MSH5: variants seen among roughly 807,000 people sequenced by gnomAD.
The protein encoded by MSH5 is mutS protein homolog 5.
MSH5 carries 78 observed loss-of-function variants against 107.7 expected under a neutral mutation model. The ratio of observed to expected loss-of-function variants is 0.72; its 90% CI spans 0.60 to 0.87. The LOEUF (loss-of-function observed/expected upper bound fraction) is 0.87, where lower values mean the gene tolerates loss of function less well. Among genes scored for constraint, MSH5 ranks in the 40% least tolerant of loss-of-function variants. MSH5 has a pLI of 0.00. For missense variants in MSH5, 889 were observed against 1,046.6 expected, an observed-to-expected ratio of 0.85 and a Z score of 2.08; for synonymous variants, 326 against 399.5, an observed-to-expected ratio of 0.82 and a Z score of 2.19.
Position 31,740,483 on chromosome 6 carries a change from C to T in MSH5, c.17C>T (p.Ala6Val). Reference sequence around the variant, plus strand: ...TCCAAGCTCATGGCCTCCTTAGGAGCGAACCCAAGGAGGACACCGCAGGGA... The same window carrying T: ...TCCAAGCTCATGGCCTCCTTAGGAGTGAACCCAAGGAGGACACCGCAGGGA... MASLG[A>V]NPRRTPQGPR... Residue 6 changes from alanine (A) to valine (V), a missense_variant, in exon 2 of 25, where the codon GCG becomes GTG. Ala to Val is a moderately conservative substitution (Grantham distance 64, BLOSUM62 0). Transcript: ENST00000375750. This position sits in a 1 kb window ranked among gnomAD's most constrained non-coding sequence, Gnocchi z 4.4. 6.4e-7 allele frequency: 1 copy of T among 1,567,612 alleles called. No homozygotes were observed. Among genetic ancestry groups the T allele is most frequent in the Non-Finnish European group, 8.7e-7 (1 of 1,155,864 alleles).
chr6:31,741,327 C>A, intron 3 of MSH5, 41 bp downstream of exon 3: 1 of 1,354,758 alleles, frequency 7.4e-7, no homozygotes, highest in Non-Finnish European at 1.0e-6. Flanking sequence ...TCTGGGATTG[C>A]AGATGTGTTA....
At position 31,744,238 on chromosome 6, in the gene MSH5, G is replaced by T. The variant is rs375514940; in HGVS notation, c.586G>T (p.Gly196Trp). Residue 196 changes from glycine (G) to tryptophan (W), a missense_variant, in exon 7 of 25, where the codon GGG becomes TGG. Physicochemically the swap from Gly to Trp is radical, Grantham distance 184 (BLOSUM62 -2). Transcript: ENST00000375750. The stretch of plus-strand genomic sequence containing the variant: ...GAAGTTCCTGGGTCGAAGAAGAATC[G>T]GGGTTGAACTGGAAGACTATAATGT... ...LLKFLGRRRI[G>W]VELEDYNVSV... The T allele has an allele frequency of 6.2e-7, 1 of 1,614,092 alleles. No individual in the cohort carries two copies. The highest frequency in any genetic ancestry group is 1.3e-5 in the African/African-American group (1 of 74,988).
intron 12 of MSH5, among the ~76,000 whole-genome samples, chr6:31,755,222 G>A (rs1046270010): frequency 6.6e-6 from 1 of 151,950 alleles, no homozygotes; most frequent in African/African-American, 2.4e-5. Context: ...CACAATTGTA[G>A]CTCACTGCAG....
intron 10 of MSH5, among the ~76,000 whole-genome samples, chr6:31,750,066 G>A (rs1316705259): frequency 6.6e-6 from 1 of 152,170 alleles, no homozygotes; most frequent in Non-Finnish European, 1.5e-5. Context: ...GGGAGGGAGA[G>A]AATTCTCAGT....
At chr6:31,746,080 T>TGTGTGTGTGTGTGTGTGTG (rs1809423458) in intron 9 of MSH5, 5 of 116,844 alleles carry the variant, frequency 4.3e-5, no homozygotes, top group African/African-American at 7.4e-5. Flanking sequence ...GTGTCCAGTT[T>TGTGTGTGTGTGTGTGTGTG]TGTGTGTGTG....
chr6:31,757,891 A>T (rs1195293563), intron 12 of MSH5: 4 of 501,040 alleles, frequency 8.0e-6, no homozygotes, highest in Non-Finnish European at 1.4e-5. Flanking sequence ...GCTGATCTCG[A>T]ACTCCTGACC....
In MSH5 at chr6:31,761,243, T is replaced by G; in HGVS notation, c.2018T>G (p.Phe673Cys). The G allele has an allele frequency of 6.2e-7, 1 of 1,613,804 alleles. No individual in the cohort carries two copies. The highest frequency in any genetic ancestry group is 8.5e-7 in the Non-Finnish European group (1 of 1,180,010). The change falls in exon 21 of 25, where the codon TTT (phenylalanine) becomes TGT (cysteine). Residue 673 changes from phenylalanine (F) to cysteine (C), a missense_variant. Physicochemically the swap from Phe to Cys is radical, Grantham distance 205. Coordinates refer to ENST00000375750, the MANE Select transcript of MSH5 (RefSeq NM_172166.4). This position sits in a 1 kb window ranked among gnomAD's most constrained non-coding sequence, Gnocchi z 5.3. ...CAGTCGCTGGTCCTTATTGATGAAT[T>G]TGGAAAGGGAACCAACACGGTGAGG... ...TAQSLVLIDE[F>C]GKGTNTVDGL...
intron 12 of MSH5, among the ~76,000 whole-genome samples, chr6:31,754,715 C>A (rs1425437716): frequency 1.3e-5 from 2 of 151,160 alleles, no homozygotes; most frequent in Non-Finnish European, 3.0e-5. Context: ...GCCATTATAT[C>A]ATTTCATCCA....
At chr6:31,754,570 G>C (rs1810270508) in intron 12 of MSH5, among the ~76,000 whole-genome samples, 1 of 151,906 alleles carries the variant, frequency 6.6e-6, no homozygotes, top group African/African-American at 2.4e-5. Context: ...AGAGCAGAGT[G>C]GTGCAGTCAT....
Position 31,759,432 on chromosome 6 carries a change from CAG to C in MSH5, c.1418_1419del (p.Glu473GlyfsTer7). On this transcript the variant is annotated frameshift_variant, in exon 17 of 25. Coordinates refer to ENST00000375750, the MANE Select transcript of MSH5 (RefSeq NM_172166.4). LOFTEE classifies it high-confidence loss of function. The surrounding 1 kb of genome is among the most constrained non-coding windows in gnomAD (Gnocchi z 4.7). ...TTGAACCCCTGTACCCAGTTTCTCT[CAG>C]AGGAGAAGCTGCACTATCGTAGTGC... is the stretch of plus-strand genomic sequence containing the variant. The C allele has an allele frequency of 1.2e-6, 2 of 1,612,616 alleles. No homozygotes were observed. The highest frequency in any genetic ancestry group is 1.1e-5 in the South Asian group (1 of 91,058).
In MSH5 at chr6:31,760,657, C is replaced by T; in HGVS notation, c.1813-33C>T. The stretch of plus-strand genomic sequence containing the variant: ...TCACTTTCACCTCAGCCCACGGCAC[C>T]AGGCCCCAGGCCCTGTCTCCTTCCC... On this transcript the variant is annotated intron_variant, in intron 19 of 24. Transcript: ENST00000375750. This position sits in a 1 kb window ranked among gnomAD's most constrained non-coding sequence, Gnocchi z 5.6. 1.2e-6 allele frequency: 2 copies of T among 1,612,386 alleles called. No homozygotes were observed. Among genetic ancestry groups the T allele is most frequent in the Non-Finnish European group, 1.7e-6 (2 of 1,180,014 alleles).
At chr6:31,750,297 G>C (rs895345332) in intron 10 of MSH5, among the ~76,000 whole-genome samples, 1 of 152,158 alleles carries the variant, frequency 6.6e-6, no homozygotes, top group Non-Finnish European at 1.5e-5. Flanking sequence ...GGCCAGATGT[G>C]GTGGCTCACG....
chr6:31,757,989 C>A, intron 12 of MSH5, 176 bp from the exon 13 acceptor site: 1 of 733,358 alleles, frequency 1.4e-6, no homozygotes, highest in Non-Finnish European at 2.2e-6. Context: ...TCTTAATTGT[C>A]TTTGTAGTTT....
rs762173255 is a variant in MSH5 at position 31,762,548 on chromosome 6, C to T, written c.*17C>T. 1 of 1,547,000 alleles carries T rather than the reference C, an allele frequency of 6.5e-7. No homozygotes were observed. Among genetic ancestry groups the T allele is most frequent in the Admixed American group, 1.7e-5 (1 of 59,520 alleles). Reference sequence around the variant, plus strand: ...ATCCTCTGAGAGTCCTTCCAGTGTCCTCCCCAGCCTCCTGAGACTCCGGTG... The same window carrying T: ...ATCCTCTGAGAGTCCTTCCAGTGTCTTCCCCAGCCTCCTGAGACTCCGGTG... On this transcript the variant is annotated 3_prime_UTR_variant, in exon 25 of 25. Transcript: ENST00000375750.
rs1484174662 is a variant in MSH5, at chr6:31,753,702, C to G, written c.1014+73C>G. ...GCCTGTATTCCAGACTGTCTGTACC[C>G]TAGACATGCTGTCCAATTTTATTCT... On this transcript the variant is annotated intron_variant, in intron 12 of 24. Transcript: ENST00000375750. 5 of 1,365,820 alleles carry G rather than the reference C, an allele frequency of 3.7e-6. No homozygotes were observed. In the African/African-American group the frequency reaches 7.2e-5, roughly 20 times the overall value. The allele number at this position is 1,365,820 out of a possible 1,614,324, so 84.6% of individuals were successfully genotyped here. A position where few individuals can be genotyped will look rare whatever the true frequency, so the allele number is the denominator to read the frequency against.
chr6:31,744,288 G>A lies in MSH5; in HGVS notation c.636G>A (p.Lys212=), dbSNP rs1408696658. Residue 212 remains lysine, a synonymous_variant, in exon 7 of 25, where the codon AAG becomes AAA. Coordinates refer to ENST00000375750, the MANE Select transcript of MSH5 (RefSeq NM_172166.4). Reference sequence around the variant, plus strand: ...TCAGCGTCCCCATCCTGGGCTTTAAGAAATTTATGTTGTAGGTGATTCACC... The same window carrying A: ...TCAGCGTCCCCATCCTGGGCTTTAAAAAATTTATGTTGTAGGTGATTCACC... The part of the protein sequence containing the change: ...YNVSVPILGF[K]KFMLTHLVNI... The A allele has an allele frequency of 1.9e-6, 3 of 1,614,060 alleles. No homozygotes were observed. In the African/African-American group the frequency reaches 4.0e-5, roughly 22 times the overall value.
chr6:31,758,211 C>T lies in MSH5; in HGVS notation c.1061C>T (p.Pro354Leu), dbSNP rs776624759. 1.9e-6 allele frequency: 3 copies of T among 1,613,084 alleles called. No homozygotes were observed. The highest frequency in any genetic ancestry group is 1.1e-5 in the South Asian group (1 of 91,088). ...CTGAGGGATGCCTGCCGCTCCCTGCCGCAGTCCATCCAGCTCTTTCGGGAC... is the reference window on the plus strand; with the variant it reads ...CTGAGGGATGCCTGCCGCTCCCTGCTGCAGTCCATCCAGCTCTTTCGGGAC... ...LGLRDACRSLPQSIQLFRDIA... is the reference protein window; with the variant it reads ...LGLRDACRSLLQSIQLFRDIA... Residue 354 changes from proline (P) to leucine (L), a missense_variant, in exon 13 of 25, where the codon CCG (proline) becomes CTG (leucine). This residue lies in a region of MSH5 where 518 missense variants were observed against 565.0 expected (regional missense o/e 0.92). Transcript: ENST00000375750. This position sits in a 1 kb window ranked among gnomAD's most constrained non-coding sequence, Gnocchi z 5.1.
rs573283848 is a variant in MSH5 at position 31,759,274 on chromosome 6, C to A, written c.1407+97C>A. Reference sequence around the variant, plus strand: ...ACAGCAGCACTGCCCAATATGGGATCTCTCCTCTGTAGTTTTACTCTGAGC... The same window carrying A: ...ACAGCAGCACTGCCCAATATGGGATATCTCCTCTGTAGTTTTACTCTGAGC... On this transcript the variant is annotated intron_variant, in intron 16 of 24. Coordinates refer to ENST00000375750, the MANE Select transcript of MSH5 (RefSeq NM_172166.4). The surrounding 1 kb of genome is among the most constrained non-coding windows in gnomAD (Gnocchi z 4.7). The A allele has an allele frequency of 8.8e-6, 12 of 1,368,044 alleles. No individual in the cohort carries two copies. The highest frequency in any genetic ancestry group is 4.3e-5 in the African/African-American group (3 of 70,010). 84.7% of individuals were successfully genotyped at this position (1,368,044 alleles called of 1,614,324 possible).
chr6:31,759,844 C>T lies in MSH5; in HGVS notation c.1554C>T (p.Val518=). ...LQCQVLARAA[V]LTRVLDLASR... ...GCCAGGTGCTGGCACGAGCAGCTGT[C>T]TTAACCCGAGTATTGGACCTTGCCT... Residue 518 remains valine (V), a synonymous_variant, in exon 18 of 25, where the codon GTC becomes GTT. Transcript: ENST00000375750. This position sits in a 1 kb window ranked among gnomAD's most constrained non-coding sequence, Gnocchi z 4.7. 4 of 1,614,078 alleles carry T rather than the reference C, an allele frequency of 2.5e-6. No homozygotes were observed. Among genetic ancestry groups the T allele is most frequent in the Non-Finnish European group, 1.7e-6 (2 of 1,180,032 alleles).
Sources: allele counts gnomAD v4.1 joint callset (sites outside exome capture counted in the v4.1 genomes callset), GRCh38; gene constraint gnomAD v4.1.1; regional missense constraint gnomAD v4.1.1; non-coding constraint Gnocchi (gnomAD v3.1); transcripts MANE v1.5; gene names NCBI Gene and HGNC (gene_info 2026-07-23, HGNC 2026-07-21).